The following CEP70 variants were observed in gnomAD, a reference collection of about 807,000 sequenced individuals.
CEP70 encodes the protein centrosomal protein of 70 kDa.
In CEP70, 70 loss-of-function variants were observed where a neutral mutation model predicts 90.9. The ratio of observed to expected loss-of-function variants is 0.77; its 90% CI spans 0.64 to 0.94. The LOEUF (loss-of-function observed/expected upper bound fraction) is 0.94, where lower values mean the gene tolerates loss of function less well. Among genes scored for constraint, CEP70 ranks in the 40% least tolerant of loss-of-function variants. The probability of loss-of-function intolerance (pLI) is 0.00; values close to 1 mark genes in which losing one functional copy is unlikely to be tolerated. For missense variants in CEP70, 648 were observed against 669.0 expected, an observed-to-expected ratio of 0.97 and a Z score of 0.35; for synonymous variants, 220 against 228.3, an observed-to-expected ratio of 0.96 and a Z score of 0.33.
At chr3:138,531,789 T>G (rs138315410) in intron 8 of CEP70, among the ~76,000 whole-genome samples, 2 of 151,874 alleles carry the variant, frequency 1.3e-5, no homozygotes, top group East Asian at 3.9e-4. Flanking sequence ...CTCCAAGATT[T>G]TGGAAAGTCA....
At chr3:138,507,486 A>G (rs1365635150) in intron 12 of CEP70, among the ~76,000 whole-genome samples, 1 of 152,218 alleles carries the variant, frequency 6.6e-6, no homozygotes, top group Non-Finnish European at 1.5e-5. Context: ...ATGATAGGAT[A>G]CTTGCCTCAA....
At chr3:138,590,842 T>C (rs1319893045) in intron 2 of CEP70, among the ~76,000 whole-genome samples, 2 of 149,800 alleles carry the variant, frequency 1.3e-5, no homozygotes, top group East Asian at 3.9e-4. Context: ...AACAGGGAAG[T>C]GATTACTACA....
At chr3:138,500,078 G>T in intron 16 of CEP70, 32 bp downstream of exon 16, 2 of 1,440,484 alleles carry the variant, frequency 1.4e-6, no homozygotes, top group Non-Finnish European at 2.0e-6. Context: ...AGCCATTCTG[G>T]ATGATACTTT....
chr3:138,578,257 A>T (rs936684692), intron 2 of CEP70, among the ~76,000 whole-genome samples: 3 of 152,212 alleles, frequency 2.0e-5, no homozygotes, highest in Admixed American at 2.0e-4. Flanking sequence ...ACACTAAAAT[A>T]TAAGTGGGGG....
intron 17 of CEP70, 128 bp from the exon 18 acceptor site, chr3:138,495,204 C>T: frequency 1.7e-6 from 1 of 583,496 alleles, no homozygotes; most frequent in Non-Finnish European, 3.1e-6. Flanking sequence ...CTTTTGTGCA[C>T]ATGAAGTTTT....
At chr3:138,579,696 A>T (rs934239204) in intron 2 of CEP70, among the ~76,000 whole-genome samples, 6 of 151,932 alleles carry the variant, frequency 3.9e-5, no homozygotes, top group African/African-American at 1.4e-4. Context: ...GCCCTTGGGC[A>T]CTGAATAATC....
At chr3:138,501,951 A>T (rs911144477) in intron 13 of CEP70, among the ~76,000 whole-genome samples, 5 of 152,118 alleles carry the variant, frequency 3.3e-5, no homozygotes, top group Non-Finnish European at 5.9e-5. Flanking sequence ...AAAAATTCTT[A>T]ATCAAAATAC....
intron 2 of CEP70, among the ~76,000 whole-genome samples, chr3:138,583,468 T>A (rs139624830): frequency 9.7e-4 from 148 of 152,308 alleles, no homozygotes; most frequent in African/African-American, 3.5e-3. Context: ...TAACAGATAT[T>A]TACAGACGTT....
chr3:138,568,963 AAC>A (rs1466465595), intron 6 of CEP70, among the ~76,000 whole-genome samples: 1 of 151,940 alleles, frequency 6.6e-6, no homozygotes, highest in African/African-American at 2.4e-5. Context: ...CAGCCTGGGA[AAC>A]AGAGTGAGAC....
rs571434470 is a variant in CEP70 at position 138,506,824 on chromosome 3, G to A, written c.1051-1359C>T. ...TGGTGTGAACGGAGCTCACTGCAGC[G>A]TTGAATTCCTGGGCTCAAGTGATCT... On this transcript the variant is annotated intron_variant, in intron 12 of 17. Transcript: ENST00000264982. Among the ~76,000 whole-genome samples, 7 of 152,242 alleles carry A rather than the reference G, an allele frequency of 4.6e-5. No individual in the cohort carries two copies. In the South Asian group the frequency reaches 8.3e-4, roughly 18 times the overall value.
At chr3:138,532,591 T>A (rs2037923011) in intron 7 of CEP70, 21 bp from the exon 8 acceptor site, 1 of 1,459,370 alleles carries the variant, frequency 6.9e-7, no homozygotes. Context: ...GAATATTGAA[T>A]TATTTTCAAA....
chr3:138,500,980 T>G (rs1295171936), intron 13 of CEP70, 99 bp from the exon 14 acceptor site: 1 of 421,118 alleles, frequency 2.4e-6, no homozygotes, highest in Middle Eastern at 7.3e-4. Context: ...TTATATATTA[T>G]ATGTTTTATA....
At chr3:138,560,256 G>A (rs985535660) in intron 6 of CEP70, among the ~76,000 whole-genome samples, 4 of 152,190 alleles carry the variant, frequency 2.6e-5, no homozygotes, top group Admixed American at 6.5e-5. Context: ...GGAAACACAA[G>A]GGGTTAGAGA....
intron 10 of CEP70, 88 bp downstream of exon 10, chr3:138,529,111 A>C: frequency 1.4e-6 from 1 of 722,862 alleles, no homozygotes; most frequent in Non-Finnish European, 2.3e-6. Context: ...GGCTGCGGTG[A>C]GACGTGATCA....
chr3:138,519,834 ATTAACC>A (rs1485004099), intron 11 of CEP70, among the ~76,000 whole-genome samples: 2 of 152,200 alleles, frequency 1.3e-5, no homozygotes, highest in Non-Finnish European at 2.9e-5. Flanking sequence ...ACATAACAAT[ATTAACC>A]TTAAATGTAA....
In CEP70 at chr3:138,505,345, G is replaced by A. The variant is rs1170516452; in HGVS notation, c.1171C>T (p.His391Tyr). Residue 391 changes from histidine (H) to tyrosine (Y), a missense_variant, in exon 13 of 18, where the codon CAT becomes TAT. Physicochemically the swap from His to Tyr is moderately conservative, Grantham distance 83. Transcript: ENST00000264982. ...CACATTTCTATTACAGGAACAAGAT[G>A]CTCAAATCCACAATCTTGAACAAGA... Reference protein sequence around the residue: ...KDLVQDCGFEHLVPVIEMWAD... With the variant: ...KDLVQDCGFEYLVPVIEMWAD... 2 of 1,612,262 alleles carry A rather than the reference G, an allele frequency of 1.2e-6. No homozygotes were observed. The highest frequency in any genetic ancestry group is 2.7e-5 in the African/African-American group (2 of 74,782).
intron 6 of CEP70, among the ~76,000 whole-genome samples, chr3:138,562,916 G>C (rs142604422): frequency 2.6e-5 from 4 of 152,154 alleles, no homozygotes; most frequent in Non-Finnish European, 5.9e-5. Flanking sequence ...TGGCAAATTA[G>C]ATAGAGTCAA....
At chr3:138,528,529 A>C (rs2037507590) in intron 10 of CEP70, among the ~76,000 whole-genome samples, 1 of 152,198 alleles carries the variant, frequency 6.6e-6, no homozygotes, top group South Asian at 2.1e-4. Context: ...TGGTGCATTT[A>C]ATATTCCAAA....
At chr3:138,498,158 T>C (rs1409334536) in intron 16 of CEP70, 48 bp from the exon 17 acceptor site, 1 of 1,291,564 alleles carries the variant, frequency 7.7e-7, no homozygotes, top group East Asian at 2.3e-5. Context: ...CTTTGGGTTC[T>C]TGCATCTGAT....
Sources: gnomAD v4.1 joint callset for allele counts (sites outside exome capture counted in the v4.1 genomes callset) on GRCh38, gnomAD v4.1.1 for gene constraint, MANE v1.5 for transcripts, NCBI Gene and HGNC (gene_info 2026-07-23, HGNC 2026-07-21) for gene names.